The following ITPR3 variants were observed in gnomAD, a reference collection of about 807,000 sequenced individuals.
ITPR3 encodes inositol 1,4,5-trisphosphate-gated calcium channel ITPR3.
In ITPR3, 173 loss-of-function variants were observed where a neutral mutation model predicts 293.2. The observed-to-expected ratio is 0.59, with a 90% CI of 0.52 to 0.67. ITPR3 has a LOEUF of 0.67. ITPR3 is among the 30% of genes least tolerant of loss of function. ITPR3 has a pLI of 0.00. For missense variants in ITPR3, 2,796 were observed against 3,592.1 expected, an observed-to-expected ratio of 0.78 and a Z score of 5.66; for synonymous variants, 1,295 against 1,444.4, an observed-to-expected ratio of 0.90 and a Z score of 2.35.
chr6:33,678,840 G>A lies in ITPR3; in HGVS notation c.3972+1G>A. The stretch of plus-strand genomic sequence containing the variant: ...GTGCCAGGACATGATCATGACTGAG[G>A]TGAGGGCGGGGCTGAGGGGTGCTCA... On this transcript the variant is annotated splice_donor_variant, in intron 30 of 57. Coordinates refer to ENST00000605930, the MANE Select transcript of ITPR3 (RefSeq NM_002224.4). LOFTEE classifies it high-confidence loss of function. 3 of 1,612,016 alleles carry A rather than the reference G, an allele frequency of 1.9e-6. No homozygotes were observed. Among genetic ancestry groups the A allele is most frequent in the Non-Finnish European group, 2.5e-6 (3 of 1,179,244 alleles).
rs1328884682 is a variant in ITPR3 at position 33,621,383 on chromosome 6, G to A, written c.-220G>A. On this transcript the variant is annotated 5_prime_UTR_variant, in exon 1 of 58. Transcript: ENST00000605930. The surrounding 1 kb of genome is among the most constrained non-coding windows in gnomAD (Gnocchi z 7.7). ...GGCCGGGCGGGGCGGGCGGGCGGCGGGCGCGCCAAGACGTGGGCACCTCCT... is the reference window on the plus strand; with the variant it reads ...GGCCGGGCGGGGCGGGCGGGCGGCGAGCGCGCCAAGACGTGGGCACCTCCT... 1.1e-5 allele frequency: 3 copies of A among 275,932 alleles called. No individual in the cohort carries two copies. Among genetic ancestry groups the A allele is most frequent in the African/African-American group, 6.7e-5 (3 of 44,548 alleles). 17.1% of individuals were successfully genotyped at this position (275,932 alleles called of 1,614,324 possible). A position where few individuals can be genotyped will look rare whatever the true frequency, so the allele number is the denominator to read the frequency against.
chr6:33,632,119 TG>T lies in ITPR3; in HGVS notation c.90-8362del, dbSNP rs1379381079. 6.6e-6 allele frequency among the ~76,000 whole-genome samples: 1 copy of T among 152,104 alleles called. No individual in the cohort carries two copies. The highest frequency in any genetic ancestry group is 1.9e-4 in the East Asian group (1 of 5,194). On this transcript the variant is annotated intron_variant, in intron 1 of 57. Coordinates refer to ENST00000605930, the MANE Select transcript of ITPR3 (RefSeq NM_002224.4). The surrounding 1 kb of genome is among the most constrained non-coding windows in gnomAD (Gnocchi z 4.1). ...TCCACCCACAGCCAGTGTCTGGGGC[TG>T]GGAGCCAGAAGACCTGGGATCTGGA...
Position 33,684,654 on chromosome 6 carries a change from C to T in ITPR3, c.5103C>T (p.Thr1701=), listed in dbSNP as rs368047811. The part of the protein sequence containing the change: ...LQNYLQNRKS[T]SRGDLPDPIG... ...ACTACCTCCAGAACCGGAAGTCCAC[C>T]TCGCGGGGGGACCTTCCCGACCCCA... Residue 1701 remains threonine, a synonymous_variant, in exon 38 of 58, where the codon ACC becomes ACT. Coordinates refer to ENST00000605930, the MANE Select transcript of ITPR3 (RefSeq NM_002224.4). The surrounding 1 kb of genome is among the most constrained non-coding windows in gnomAD (Gnocchi z 4.2). The T allele has an allele frequency of 1.8e-5, 29 of 1,614,014 alleles. 1 individual carries two copies. The African/African-American group carries it at 2.1e-4, about 12-fold the overall frequency.
intron 7 of ITPR3, 102 bp downstream of exon 7, chr6:33,659,651 C>G (rs1364674408): frequency 1.0e-6 from 1 of 964,026 alleles, no homozygotes; most frequent in East Asian, 2.4e-5. Context: ...GGCCCTTACC[C>G]TCTCCCCAGC....
intron 51 of ITPR3, 84 bp downstream of exon 51, chr6:33,690,282 C>T: frequency 7.6e-7 from 1 of 1,315,814 alleles, no homozygotes; most frequent in Non-Finnish European, 1.1e-6. Flanking sequence ...TTCCCCGGCA[C>T]CAGTCTGTCT....
At chr6:33,676,970 G>C in intron 26 of ITPR3, 38 bp downstream of exon 26, 1 of 1,613,982 alleles carries the variant, frequency 6.2e-7, no homozygotes, top group Non-Finnish European at 8.5e-7. Flanking sequence ...AGGCCTCCCT[G>C]TGAGGGCTGG....
chr6:33,673,515 C>G lies in ITPR3; in HGVS notation c.2929-76C>G, dbSNP rs1361924274. ...TGGGGGCTCCCTGCCCCCTGCCCCC[C>G]ATAAAGTAGGAAGGGCCTTCTGACC... On this transcript the variant is annotated intron_variant, in intron 22 of 57. Coordinates refer to ENST00000605930, the MANE Select transcript of ITPR3 (RefSeq NM_002224.4). 7 of 1,575,362 alleles carry G rather than the reference C, an allele frequency of 4.4e-6. No individual in the cohort carries two copies. The African/African-American group carries it at 8.1e-5, about 18-fold the overall frequency.
At chr6:33,643,629 T>G (rs1357834474) in intron 2 of ITPR3, among the ~76,000 whole-genome samples, 2 of 152,130 alleles carry the variant, frequency 1.3e-5, no homozygotes, top group Admixed American at 6.6e-5. Flanking sequence ...TTTTTCCTTC[T>G]TTTCCTCCTC....
At chr6:33,641,139 C>T (rs1763941138) in intron 2 of ITPR3, among the ~76,000 whole-genome samples, 1 of 152,214 alleles carries the variant, frequency 6.6e-6, no homozygotes, top group South Asian at 2.1e-4. Context: ...CCTGAGTGGT[C>T]AGTGGGCTCC....
chr6:33,627,950 A>G (rs1763587511), intron 1 of ITPR3, among the ~76,000 whole-genome samples: 1 of 152,226 alleles, frequency 6.6e-6, no homozygotes, highest in Admixed American at 6.5e-5. Context: ...CTCAGGCTGC[A>G]TCCAACTGCT....
At position 33,663,299 on chromosome 6, in the gene ITPR3, G is replaced by A. The variant is rs147286641; in HGVS notation, c.955-201G>A. On this transcript the variant is annotated intron_variant, in intron 9 of 57. Coordinates refer to ENST00000605930, the MANE Select transcript of ITPR3 (RefSeq NM_002224.4). ...CACACTTGTGTGTGTTGGAGCATTG[G>A]TGTGTATGTGTGTATGTTCATTTGT... Among the ~76,000 whole-genome samples the A allele has an allele frequency of 6.1e-3, 922 of 152,332 alleles. 9 individuals are homozygous for A. The highest frequency in any genetic ancestry group is 0.02 in the African/African-American group (831 of 41,560).
At chr6:33,625,071 C>G (rs12526100) in intron 1 of ITPR3, among the ~76,000 whole-genome samples, 13,470 of 152,230 alleles carry the variant, frequency 0.088, 615 homozygotes, top group Non-Finnish European at 0.1. Context: ...CTGCTTTATC[C>G]CTTACCCTAG....
rs769979984 is a variant in ITPR3 at position 33,690,207 on chromosome 6, T to C, written c.7032+9T>C. On this transcript the variant is annotated intron_variant, in intron 51 of 57. Coordinates refer to ENST00000605930, the MANE Select transcript of ITPR3 (RefSeq NM_002224.4). Reference sequence around the variant, plus strand: ...TGTTCTACAGCATCCTGGTGAGGCCTTCTGGGTGGGCTGGGGCTGGATGGG... The same window carrying C: ...TGTTCTACAGCATCCTGGTGAGGCCCTCTGGGTGGGCTGGGGCTGGATGGG... 6.2e-7 allele frequency: 1 copy of C among 1,612,794 alleles called. No homozygotes were observed. Among genetic ancestry groups the C allele is most frequent in the South Asian group, 1.1e-5 (1 of 90,938 alleles).
intron 1 of ITPR3, among the ~76,000 whole-genome samples, chr6:33,636,920 G>A (rs1056442245): frequency 6.6e-6 from 1 of 152,146 alleles, no homozygotes; most frequent in African/African-American, 2.4e-5. Flanking sequence ...ACCCTCTGCC[G>A]TCCCGTCATT....
chr6:33,674,577 AGT>A (rs1165464968), intron 24 of ITPR3, among the ~76,000 whole-genome samples: 2 of 152,220 alleles, frequency 1.3e-5, no homozygotes, highest in Non-Finnish European at 2.9e-5. Context: ...GCAGGGCGGA[AGT>A]GTGGGGACAT....
At chr6:33,643,650 A>G (rs1345045888) in intron 2 of ITPR3, among the ~76,000 whole-genome samples, 1 of 152,018 alleles carries the variant, frequency 6.6e-6, no homozygotes, top group African/African-American at 2.4e-5. Flanking sequence ...CTGTTGGGGC[A>G]AGGGACCTGG....
Position 33,685,832 on chromosome 6 carries a change from G to A in ITPR3, c.5667+5G>A, listed in dbSNP as rs371269484. 1 of 1,559,822 alleles carries A rather than the reference G, an allele frequency of 6.4e-7. No individual in the cohort carries two copies. The highest frequency in any genetic ancestry group is 1.2e-5 in the South Asian group (1 of 83,020). ...AACCACAACCGGGACCTGCAGGTGAGTGCCTCGCCACACACCTGCCCCTTC... is the reference window on the plus strand; with the variant it reads ...AACCACAACCGGGACCTGCAGGTGAATGCCTCGCCACACACCTGCCCCTTC... On this transcript the variant is annotated splice_donor_5th_base_variant and intron_variant, in intron 41 of 57. Coordinates refer to ENST00000605930, the MANE Select transcript of ITPR3 (RefSeq NM_002224.4).
chr6:33,647,863 C>T (rs1764103497), intron 2 of ITPR3, among the ~76,000 whole-genome samples: 1 of 151,992 alleles, frequency 6.6e-6, no homozygotes, highest in Non-Finnish European at 1.5e-5. Flanking sequence ...AGGTGCGCTC[C>T]GAGAATGCAA....
chr6:33,649,804 A>G (rs1434857836), intron 2 of ITPR3, among the ~76,000 whole-genome samples: 1 of 152,164 alleles, frequency 6.6e-6, no homozygotes, highest in Non-Finnish European at 1.5e-5. Context: ...TTAAAAATGC[A>G]TATTCCTAGA....
Sources: allele counts gnomAD v4.1 joint callset (sites outside exome capture counted in the v4.1 genomes callset), GRCh38; gene constraint gnomAD v4.1.1; non-coding constraint Gnocchi (gnomAD v3.1); transcripts MANE v1.5; gene names NCBI Gene and HGNC (gene_info 2026-07-23, HGNC 2026-07-21).